OSBP: variants seen among roughly 807,000 people sequenced by gnomAD.
The protein encoded by OSBP is oxysterol-binding protein 1.
OSBP carries 32 observed loss-of-function variants against 96.6 expected under a neutral mutation model. The ratio of observed to expected loss-of-function variants is 0.33; its 90% CI spans 0.25 to 0.45. The LOEUF (loss-of-function observed/expected upper bound fraction) is 0.45. OSBP is among the 20% of genes least tolerant of loss of function. The pLI, the probability that OSBP is intolerant of heterozygous loss-of-function variation, is 1.00. For synonymous variants in OSBP, 369 were observed against 389.6 expected, an observed-to-expected ratio of 0.95 and a Z score of 0.62; for missense variants, 653 against 1,029.7, an observed-to-expected ratio of 0.63 and a Z score of 5.01.
intron 7 of OSBP, among the ~76,000 whole-genome samples, chr11:59,599,018 C>T (rs1030434840): frequency 1.3e-5 from 2 of 152,224 alleles, no homozygotes; most frequent in Admixed American, 6.5e-5. Flanking sequence ...GCAGCAGAGC[C>T]CCAGGACAGA....
Position 59,608,519 on chromosome 11 carries a change from T to C in OSBP, c.787A>G (p.Thr263Ala), listed in dbSNP as rs1033671469. The C allele has an allele frequency of 6.2e-7, 1 of 1,614,066 alleles. No individual in the cohort carries two copies. Among genetic ancestry groups the C allele is most frequent in the African/African-American group, 1.3e-5 (1 of 74,918 alleles). Residue 263 changes from threonine to alanine, a missense_variant, in exon 3 of 14, where the codon ACA becomes GCA. Physicochemically the swap from Thr to Ala is moderately conservative, Grantham distance 58. Coordinates refer to ENST00000263847, the MANE Select transcript of OSBP (RefSeq NM_002556.3). ...GCATTGGATGTTATCCTAAAGAGTGTGGCTCGTTCGTTGACCTGTTTGATC... is the reference window on the plus strand; with the variant it reads ...GCATTGGATGTTATCCTAAAGAGTGCGGCTCGTTCGTTGACCTGTTTGATC... ...EKIKQVNERA[T>A]LFRITSNAMI...
chr11:59,577,120 C>A, intron 12 of OSBP, 95 bp from the exon 13 acceptor site: 1 of 936,780 alleles, frequency 1.1e-6, no homozygotes, highest in Admixed American at 2.6e-5. Context: ...GCCACATCAC[C>A]AAGGCTGTTC....
At position 59,601,822 on chromosome 11, in the gene OSBP, A is replaced by G; in HGVS notation, c.839T>C (p.Leu280Pro). 5.0e-6 allele frequency: 8 copies of G among 1,614,132 alleles called. No homozygotes were observed. Among genetic ancestry groups the G allele is most frequent in the Non-Finnish European group, 6.8e-6 (8 of 1,180,008 alleles). Residue 280 changes from leucine (L) to proline (P), a missense_variant, in exon 4 of 14, where the codon CTC becomes CCC. By Grantham distance (98) the Leu-to-Pro change is moderately conservative. Transcript: ENST00000263847. ...TTTACTATGGGTCTGGGCTAACATG[A>G]GGAAATCTCTGCAGGCCTGTATGGA... ...NAMINACRDFLMLAQTHSKKW... is the reference protein window; with the variant it reads ...NAMINACRDFPMLAQTHSKKW...
intron 9 of OSBP, among the ~76,000 whole-genome samples, chr11:59,586,163 TAAAAAATAAATAAAG>T (rs1269926116): frequency 1.3e-4 from 5 of 39,778 alleles, no homozygotes; most frequent in African/African-American, 5.2e-4. Context: ...GAATGATCAA[TAAAAAATAAATAAAG>T]AAAAAAAAAA....
intron 9 of OSBP, among the ~76,000 whole-genome samples, chr11:59,583,638 T>G (rs945794434): frequency 1.3e-4 from 17 of 132,186 alleles, no homozygotes; most frequent in African/African-American, 4.7e-4. Flanking sequence ...ATCTCTGTTT[T>G]TTTTTTTTTT....
In OSBP at chr11:59,577,463, CT is replaced by C. The variant is rs199599431; in HGVS notation, c.2061-439del. 6.6e-3 allele frequency among the ~76,000 whole-genome samples: 1,005 copies of C among 152,180 alleles called. 8 individuals are homozygous for C. Among genetic ancestry groups the C allele is most frequent in the African/African-American group, 0.023 (959 of 41,528 alleles). On this transcript the variant is annotated intron_variant, in intron 12 of 13. Coordinates refer to ENST00000263847, the MANE Select transcript of OSBP (RefSeq NM_002556.3). The stretch of plus-strand genomic sequence containing the variant: ...AAGTCCTGTACATTGTCTCAGGGAT[CT>C]TTCTTTTCTGCTGGGCTTTTTTTTC...
intron 3 of OSBP, among the ~76,000 whole-genome samples, 168 bp downstream of exon 3, chr11:59,608,316 C>T (rs765529314): frequency 3.9e-5 from 6 of 152,318 alleles, no homozygotes; most frequent in Middle Eastern, 3.4e-3. Context: ...TCAATCTGTA[C>T]AGCCTGTTCT....
intron 7 of OSBP, among the ~76,000 whole-genome samples, chr11:59,596,425 C>T (rs1860658099): frequency 6.6e-6 from 1 of 152,178 alleles, no homozygotes; most frequent in Non-Finnish European, 1.5e-5. Context: ...GCTTTTCACA[C>T]ACACACAGCC....
intron 3 of OSBP, 75 bp from the exon 4 acceptor site, chr11:59,601,913 G>C (rs749098042): frequency 2.0e-4 from 265 of 1,355,706 alleles, no homozygotes; most frequent in Non-Finnish European, 2.6e-4. Context: ...AGCCCATTGA[G>C]TAACCTTATT....
At chr11:59,614,475 T>C (rs1408277692) in intron 1 of OSBP, among the ~76,000 whole-genome samples, 1 of 152,226 alleles carries the variant, frequency 6.6e-6, no homozygotes. Flanking sequence ...AAGCGTGCCA[T>C]GTGATGGCCA....
chr11:59,611,768 G>A (rs1023018252), intron 1 of OSBP, among the ~76,000 whole-genome samples: 4 of 152,240 alleles, frequency 2.6e-5, no homozygotes, highest in East Asian at 1.9e-4. Flanking sequence ...AAATTTTCCC[G>A]ATCTCTAGTG....
rs765073139 is a variant in OSBP, at chr11:59,600,555, T to G, written c.1252A>C (p.Asn418His). The G allele has an allele frequency of 6.2e-7, 1 of 1,614,070 alleles. No homozygotes were observed. The highest frequency in any genetic ancestry group is 8.5e-7 in the Non-Finnish European group (1 of 1,179,972). Residue 418 changes from asparagine (N) to histidine (H), a missense_variant, in exon 7 of 14, where the codon AAT (asparagine) becomes CAT (histidine). Physicochemically the swap from Asn to His is moderately conservative, Grantham distance 68. Transcript: ENST00000263847. ...CAGTTCTTCATGATGCTCCATAAATTGAGGCTATAGTTTGGCTTGTATGGT... is the reference window on the plus strand; with the variant it reads ...CAGTTCTTCATGATGCTCCATAAATGGAGGCTATAGTTTGGCTTGTATGGT... ...RIPYKPNYSL[N>H]LWSIMKNCIG...
At chr11:59,607,412 C>T (rs1435585776) in intron 3 of OSBP, among the ~76,000 whole-genome samples, 1 of 152,076 alleles carries the variant, frequency 6.6e-6, no homozygotes, top group Non-Finnish European at 1.5e-5. Flanking sequence ...GTGTGAATCA[C>T]AGCACTGAAG....
At chr11:59,582,281 G>C (rs1860431567) in intron 9 of OSBP, among the ~76,000 whole-genome samples, 1 of 152,088 alleles carries the variant, frequency 6.6e-6, no homozygotes, top group Non-Finnish European at 1.5e-5. Flanking sequence ...CCTGATATTG[G>C]GTCAACTTCC....
Position 59,615,720 on chromosome 11 carries a change from C to T in OSBP, c.-56G>A. ...GAACCGCCTACGAGAGCCGCCGTCG[C>T]CGCCCGGAGCGCCCCACACGGCTAC... is the stretch of plus-strand genomic sequence containing the variant. On this transcript the variant is annotated 5_prime_UTR_variant, in exon 1 of 14. Transcript: ENST00000263847. 10 of 1,251,600 alleles carry T rather than the reference C, an allele frequency of 8.0e-6. No homozygotes were observed. Among genetic ancestry groups the T allele is most frequent in the Non-Finnish European group, 1.0e-5 (10 of 998,174 alleles). 77.5% of individuals were successfully genotyped at this position (1,251,600 alleles called of 1,614,324 possible). A position where few individuals can be genotyped will look rare whatever the true frequency, so the allele number is the denominator to read the frequency against.
intron 3 of OSBP, among the ~76,000 whole-genome samples, chr11:59,606,233 C>G (rs768964177): frequency 7.9e-5 from 12 of 152,098 alleles, no homozygotes; most frequent in Admixed American, 1.3e-4. Flanking sequence ...GAACACAGCT[C>G]ATGCTCAATA....
Position 59,576,495 on chromosome 11 carries a change from AAG to A in OSBP, c.*80_*81del. 2.1e-6 allele frequency: 3 copies of A among 1,452,880 alleles called. No individual in the cohort carries two copies. The highest frequency in any genetic ancestry group is 9.4e-7 in the Non-Finnish European group (1 of 1,068,218). 90.0% of individuals were successfully genotyped at this position (1,452,880 alleles called of 1,614,324 possible). A position where few individuals can be genotyped will look rare whatever the true frequency, so the allele number is the denominator to read the frequency against. ...GACAAACTTGAGGAAAGCACTTGGT[AAG>A]AGAGTCACAACTTCCAGCTTTCCCA... is the stretch of plus-strand genomic sequence containing the variant. On this transcript the variant is annotated 3_prime_UTR_variant, in exon 14 of 14. Transcript: ENST00000263847.
At chr11:59,599,958 A>G (rs143900624) in intron 7 of OSBP, among the ~76,000 whole-genome samples, 1 of 152,256 alleles carries the variant, frequency 6.6e-6, no homozygotes, top group African/African-American at 2.4e-5. Flanking sequence ...TACATTTGAC[A>G]TTTTTCAAAA....
At chr11:59,595,355 GGC>G (rs1860635706) in intron 7 of OSBP, among the ~76,000 whole-genome samples, 1 of 151,908 alleles carries the variant, frequency 6.6e-6, no homozygotes, top group East Asian at 1.9e-4. Context: ...GAATGGTTCT[GGC>G]CTTAAGCAAC....
Sources: gnomAD v4.1 joint callset for allele counts (sites outside exome capture counted in the v4.1 genomes callset) on GRCh38, gnomAD v4.1.1 for gene constraint, MANE v1.5 for transcripts, NCBI Gene and HGNC (gene_info 2026-07-23, HGNC 2026-07-21) for gene names.